Variants in FER observed in about 807,000 individuals in gnomAD.
The protein encoded by FER is FER tyrosine kinase.
A neutral mutation model predicts 111.0 loss-of-function variants in FER; 63 were observed. The observed-to-expected ratio is 0.57, with a 90% CI of 0.46 to 0.70. The LOEUF (loss-of-function observed/expected upper bound fraction) is 0.70, where lower values mean the gene tolerates loss of function less well. FER is among the 30% of genes least tolerant of loss of function. The pLI is 0.00. For missense variants in FER, 914 were observed against 954.0 expected (o/e 0.96, Z 0.55); for synonymous variants, 327 against 313.9 (o/e 1.04, Z -0.44).
chr5:108,819,469 G>A (rs527772083), intron 3 of FER, among the ~76,000 whole-genome samples: 1 of 152,168 alleles, frequency 6.6e-6, no homozygotes, highest in Non-Finnish European at 1.5e-5. Flanking sequence ...TTATTTAGGT[G>A]TGTGACTTTA....
chr5:109,071,633 T>C lies in FER; in HGVS notation c.1924+24435T>C, dbSNP rs552643771. On this transcript the variant is annotated intron_variant, in intron 16 of 19. Coordinates refer to ENST00000281092, the MANE Select transcript of FER (RefSeq NM_005246.4). ...CAGTCTATAACAGTATACAGTCTTA[T>C]CTTTAGAAAGCTAACAAAATTTTGG... 5.3e-5 allele frequency among the ~76,000 whole-genome samples: 8 copies of C among 152,108 alleles called. No homozygotes were observed. The South Asian group carries it at 6.2e-4, about 12-fold the overall frequency.
intron 17 of FER, among the ~76,000 whole-genome samples, chr5:109,107,564 A>G (rs1749093791): frequency 6.6e-6 from 1 of 152,098 alleles, no homozygotes; most frequent in Admixed American, 6.6e-5. Context: ...GCTCACACTT[A>G]TAAGTGAGAA....
intron 16 of FER, among the ~76,000 whole-genome samples, chr5:109,067,632 A>C (rs1775272526): frequency 6.6e-6 from 1 of 152,038 alleles, no homozygotes; most frequent in South Asian, 2.1e-4. Flanking sequence ...CCTCCTTGAT[A>C]ATTAGTTTTC....
At chr5:108,750,519 C>G (rs1298745555) in intron 1 of FER, among the ~76,000 whole-genome samples, 1 of 152,144 alleles carries the variant, frequency 6.6e-6, no homozygotes, top group Non-Finnish European at 1.5e-5. Context: ...TTTGAAAGAC[C>G]TTTAGTGAAG....
chr5:108,894,777 C>G (rs1479388681), intron 9 of FER: 1 of 182,786 alleles, frequency 5.5e-6, no homozygotes, highest in Non-Finnish European at 1.2e-5. Flanking sequence ...TGGCAGCAGG[C>G]AAGAGAGAGA....
chr5:108,852,652 C>G (rs755755452), intron 5 of FER, among the ~76,000 whole-genome samples: 8 of 152,036 alleles, frequency 5.3e-5, no homozygotes, highest in Non-Finnish European at 1.2e-4. Flanking sequence ...GTCATGAATT[C>G]TACTGAAGTT....
chr5:109,039,339 A>G (rs377325426), intron 14 of FER, among the ~76,000 whole-genome samples: 1 of 152,090 alleles, frequency 6.6e-6, no homozygotes, highest in African/African-American at 2.4e-5. Flanking sequence ...TTGAATGCCT[A>G]CTATGTGCAA....
Position 109,121,263 on chromosome 5 carries a change from G to A in FER, c.2048+20744G>A, listed in dbSNP as rs78834764. Among the ~76,000 whole-genome samples the A allele has an allele frequency of 7.8e-3, 1,183 of 152,168 alleles. 9 individuals are homozygous for A. Among genetic ancestry groups the A allele is most frequent in the Middle Eastern group, 0.02 (6 of 294 alleles). ...TATGGCTTTTAATATGTTGAGGTAT[G>A]TTTCTTCTGTACCAAGTTTTCAGAG... On this transcript the variant is annotated intron_variant, in intron 17 of 19. Transcript: ENST00000281092.
intron 17 of FER, among the ~76,000 whole-genome samples, chr5:109,101,598 A>G (rs1411973700): frequency 6.6e-6 from 1 of 152,086 alleles, no homozygotes; most frequent in African/African-American, 2.4e-5. Flanking sequence ...TGGTTCAACA[A>G]TTGCATATAT....
intron 9 of FER, among the ~76,000 whole-genome samples, chr5:108,886,119 G>A (rs1465217650): frequency 6.6e-6 from 1 of 151,788 alleles, no homozygotes; most frequent in East Asian, 1.9e-4. Context: ...CATTTCACCA[G>A]AATGTCTGGC....
intron 16 of FER, among the ~76,000 whole-genome samples, chr5:109,090,768 T>C (rs374427731): frequency 1.3e-5 from 2 of 152,100 alleles, no homozygotes; most frequent in African/African-American, 2.4e-5. Flanking sequence ...CTCAAAGATA[T>C]GTCATTTGAA....
At chr5:108,857,036 A>G (rs1362725985) in intron 5 of FER, among the ~76,000 whole-genome samples, 2 of 152,080 alleles carry the variant, frequency 1.3e-5, no homozygotes, top group Non-Finnish European at 2.9e-5. Flanking sequence ...GTCCTAGAGA[A>G]ATGTTGAAAG....
intron 13 of FER, among the ~76,000 whole-genome samples, chr5:109,002,941 C>T (rs1365822232): frequency 1.2e-4 from 19 of 152,202 alleles, no homozygotes; most frequent in South Asian, 2.1e-4. Context: ...GTTAGAATGG[C>T]GATCATTAAA....
chr5:109,010,408 C>A (rs936128052), intron 13 of FER, among the ~76,000 whole-genome samples: 1 of 152,032 alleles, frequency 6.6e-6, no homozygotes, highest in Admixed American at 6.5e-5. Flanking sequence ...CCGCCCGCCT[C>A]GGCCTCTCAA....
chr5:108,923,214 T>G (rs1373810654), intron 10 of FER, among the ~76,000 whole-genome samples: 6 of 152,030 alleles, frequency 3.9e-5, no homozygotes, highest in Admixed American at 6.5e-5. Flanking sequence ...AAAATTATTC[T>G]CAGTGTACAA....
At chr5:108,982,652 C>A (rs888737027) in intron 13 of FER, among the ~76,000 whole-genome samples, 5 of 152,014 alleles carry the variant, frequency 3.3e-5, no homozygotes, top group Admixed American at 3.3e-4. Context: ...TGATTTGAAA[C>A]AGTAAATAGT....
chr5:108,808,799 A>G (rs1757456657), intron 3 of FER, among the ~76,000 whole-genome samples: 1 of 152,148 alleles, frequency 6.6e-6, no homozygotes, highest in Non-Finnish European at 1.5e-5. Flanking sequence ...GAATTCTGTT[A>G]GCACTTGCTT....
At chr5:109,060,049 A>G (rs138308557) in intron 16 of FER, among the ~76,000 whole-genome samples, 180 of 152,318 alleles carry the variant, frequency 1.2e-3, no homozygotes, top group African/African-American at 4.0e-3. Context: ...CTCAAAAACT[A>G]TCCCAAGTGA....
intron 2 of FER, among the ~76,000 whole-genome samples, chr5:108,773,637 A>C (rs1055137416): frequency 1.3e-5 from 2 of 152,028 alleles, no homozygotes; most frequent in Admixed American, 6.5e-5. Context: ...GCTGTTGTGA[A>C]TAGTGTGGCA....
Sources: gnomAD v4.1 joint callset for allele counts (sites outside exome capture counted in the v4.1 genomes callset) on GRCh38, gnomAD v4.1.1 for gene constraint, MANE v1.5 for transcripts, NCBI Gene and HGNC (gene_info 2026-07-23, HGNC 2026-07-21) for gene names.